The following RBFOX3 variants were observed in gnomAD, a reference collection of about 807,000 sequenced individuals.
RBFOX3 encodes RNA binding fox-1 homolog 3, also known as RNA binding protein fox-1 homolog 3.
Under a neutral mutation model 48.7 loss-of-function variants are expected in RBFOX3, and 17 were observed. That is an observed-to-expected ratio of 0.35 (90% CI 0.24 to 0.52). The LOEUF (loss-of-function observed/expected upper bound fraction) is 0.52. Ranked by LOEUF, RBFOX3 falls within the 20% of genes least tolerant of loss-of-function variation. RBFOX3 has a pLI of 0.94. For missense variants in RBFOX3, 382 were observed against 497.5 expected, an observed-to-expected ratio of 0.77 and a Z score of 2.21; for synonymous variants, 212 against 209.5, an observed-to-expected ratio of 1.01 and a Z score of -0.10.
the RBFOX3 span, among the ~76,000 whole-genome samples, chr17:79,620,562 C>G: frequency 6.9e-6 from 1 of 144,268 alleles, no homozygotes. Flanking sequence ...CACATGTGCA[C>G]ACCCGCGCGT....
At position 79,230,132 on chromosome 17, in the gene RBFOX3, GTGA is replaced by G. The variant is rs2060833912; in HGVS notation, c.-34+5631_-34+5633del. ...CCGCCCAGAGGCACAGTGACACGCAGTGATGATGAGGCTGGTTGGGTTGCCGTC... is the reference window on the plus strand; with the variant it reads ...CCGCCCAGAGGCACAGTGACACGCAGTGATGAGGCTGGTTGGGTTGCCGTC... On this transcript the variant is annotated intron_variant, in intron 4 of 14. Transcript: ENST00000693108. 2.0e-5 allele frequency among the ~76,000 whole-genome samples: 3 copies of G among 152,358 alleles called. No individual in the cohort carries two copies. In the South Asian group the frequency reaches 6.2e-4, roughly 32 times the overall value.
At chr17:79,295,101 G>C (rs1432465838) in intron 3 of RBFOX3, among the ~76,000 whole-genome samples, 1 of 152,160 alleles carries the variant, frequency 6.6e-6, no homozygotes, top group African/African-American at 2.4e-5. Flanking sequence ...CTCCATGTGA[G>C]AGAAGACGGC....
At position 79,393,244 on chromosome 17, in the gene RBFOX3, C is replaced by T. The variant is rs140740577; in HGVS notation, c.-174-85420G>A. Among the ~76,000 whole-genome samples the T allele has an allele frequency of 2.1e-3, 320 of 152,392 alleles. 1 individual carries two copies. The highest frequency in any genetic ancestry group is 7.5e-3 in the African/African-American group (311 of 41,598). Reference sequence around the variant, plus strand: ...TCAGTTCCACCCGCGTAGCCGCCTGCTGCAGCACAGGGGGAAAGGGAGGCT... The same window carrying T: ...TCAGTTCCACCCGCGTAGCCGCCTGTTGCAGCACAGGGGGAAAGGGAGGCT... On this transcript the variant is annotated intron_variant, in intron 2 of 14. Transcript: ENST00000693108.
chr17:79,407,190 T>G (rs2063662776), intron 2 of RBFOX3, among the ~76,000 whole-genome samples: 2 of 152,228 alleles, frequency 1.3e-5, no homozygotes, highest in Non-Finnish European at 2.9e-5. Flanking sequence ...GTATTTTTAG[T>G]AGAGACGGGG....
At chr17:79,414,941 C>G (rs907896) in intron 2 of RBFOX3, among the ~76,000 whole-genome samples, 1 of 151,960 alleles carries the variant, frequency 6.6e-6, no homozygotes, top group Non-Finnish European at 1.5e-5. Flanking sequence ...AGTCCAGCTC[C>G]CGTTCCCAGA....
At chr17:79,235,253 G>C (rs1020204375) in intron 4 of RBFOX3, 1 of 152,206 alleles carries the variant, frequency 6.6e-6, no homozygotes, top group African/African-American at 2.4e-5. Flanking sequence ...GTCCCCCAGC[G>C]AGGGTCAACA....
chr17:79,171,632 T>A (rs114132282), intron 4 of RBFOX3, among the ~76,000 whole-genome samples: 4 of 113,524 alleles, frequency 3.5e-5, no homozygotes, highest in Non-Finnish European at 5.2e-5. Flanking sequence ...TACTTTTTTT[T>A]TATAAATTAA....
chr17:79,119,277 T>G (rs1232466661), intron 4 of RBFOX3, among the ~76,000 whole-genome samples: 33 of 152,208 alleles, frequency 2.2e-4, no homozygotes, highest in Admixed American at 2.2e-3. Context: ...GGGGACATTT[T>G]AGGGACATTT....
intron 4 of RBFOX3, among the ~76,000 whole-genome samples, chr17:79,231,060 T>C (rs1198557879): frequency 6.6e-6 from 1 of 152,062 alleles, no homozygotes; most frequent in Non-Finnish European, 1.5e-5. Context: ...GCTGACTGTC[T>C]TGAGGAAGTT....
In RBFOX3 at chr17:79,450,142, C is replaced by T. The variant is rs923161073; in HGVS notation, c.-175+32312G>A. On this transcript the variant is annotated intron_variant, in intron 2 of 14. Transcript: ENST00000693108. ...AACAGAAGCCATGTGTGTGCAGAAA[C>T]TCTCTCAACATGGATGCCAGACTCA... Among the ~76,000 whole-genome samples the T allele has an allele frequency of 8.5e-5, 13 of 152,208 alleles. 1 individual carries two copies. The highest frequency in any genetic ancestry group is 2.4e-5 in the African/African-American group (1 of 41,462).
intron 1 of RBFOX3, among the ~76,000 whole-genome samples, chr17:79,508,212 C>T (rs924977995): frequency 2.0e-5 from 3 of 152,196 alleles, no homozygotes; most frequent in African/African-American, 4.8e-5. Flanking sequence ...CCCGGTGGGC[C>T]GCTGGGAAGA....
upstream of RBFOX3, among the ~76,000 whole-genome samples, chr17:79,614,132 A>C (rs1250540226): frequency 6.6e-6 from 1 of 152,234 alleles, no homozygotes; most frequent in Non-Finnish European, 1.5e-5. Context: ...GGGAAGGCTG[A>C]CAATGGAATC....
the RBFOX3 span, among the ~76,000 whole-genome samples, chr17:79,628,186 G>T: frequency 1.3e-5 from 2 of 151,888 alleles, no homozygotes; most frequent in Admixed American, 1.3e-4. Context: ...CCAGGCCGGA[G>T]CCCTGGTCCC....
the RBFOX3 span, among the ~76,000 whole-genome samples, chr17:79,654,269 G>A: frequency 2.6e-5 from 4 of 151,830 alleles, no homozygotes. Flanking sequence ...ACCAGCTTTC[G>A]GACTCTCCAG....
intron 4 of RBFOX3, among the ~76,000 whole-genome samples, chr17:79,210,317 T>A (rs1464237384): frequency 2.6e-5 from 4 of 152,234 alleles, no homozygotes; most frequent in Non-Finnish European, 5.9e-5. Context: ...CGTCTTCATT[T>A]CTCTCTGGCT....
In RBFOX3 at chr17:79,220,832, G is replaced by A. The variant is rs1294862906; in HGVS notation, c.-34+14934C>T. Reference sequence around the variant, plus strand: ...AGGAGAAGCAGCTCCTGCAGAGGCGGGGCGGCTCTCCAGGCCTGGAGCGTG... The same window carrying A: ...AGGAGAAGCAGCTCCTGCAGAGGCGAGGCGGCTCTCCAGGCCTGGAGCGTG... On this transcript the variant is annotated intron_variant, in intron 4 of 14. Coordinates refer to ENST00000693108, the MANE Select transcript of RBFOX3 (RefSeq NM_001350451.2). This position sits in a 1 kb window ranked among gnomAD's most constrained non-coding sequence, Gnocchi z 5.9. Among the ~76,000 whole-genome samples the A allele has an allele frequency of 6.6e-6, 1 of 152,156 alleles. No individual in the cohort carries two copies. The highest frequency in any genetic ancestry group is 2.4e-5 in the African/African-American group (1 of 41,438).
At chr17:79,330,800 C>T (rs2080159910) in intron 2 of RBFOX3, among the ~76,000 whole-genome samples, 1 of 152,192 alleles carries the variant, frequency 6.6e-6, no homozygotes, top group Non-Finnish European at 1.5e-5. Context: ...CACTCTGAGC[C>T]AAGGATGGAC....
intron 11 of RBFOX3, 41 bp from the exon 12 acceptor site, chr17:79,096,874 G>A (rs898939592): frequency 9.5e-6 from 6 of 634,722 alleles, no homozygotes; most frequent in African/African-American, 7.4e-5. Context: ...TTGCTGATCA[G>A]CAACTTTCTC....
At chr17:79,397,349 T>C (rs1391923785) in intron 2 of RBFOX3, among the ~76,000 whole-genome samples, 1 of 151,900 alleles carries the variant, frequency 6.6e-6, no homozygotes, top group Non-Finnish European at 1.5e-5. Context: ...AAAAATTAGC[T>C]GGGCCTGGTG....
Sources: allele counts gnomAD v4.1 joint callset (sites outside exome capture counted in the v4.1 genomes callset), GRCh38; gene constraint gnomAD v4.1.1; non-coding constraint Gnocchi (gnomAD v3.1); transcripts MANE v1.5; gene names NCBI Gene and HGNC (gene_info 2026-07-23, HGNC 2026-07-21).